Variants in ZCCHC13 observed in about 807,000 individuals in gnomAD.
ZCCHC13 encodes the protein zinc finger CCHC-type containing 13, also known as zinc finger CCHC domain-containing protein 13.
For missense variants in ZCCHC13, 133 were observed against 135.9 expected (o/e 0.98, Z 0.11); for synonymous variants, 58 against 52.3 (o/e 1.11, Z -0.47).
chrX:74,304,316 G>T lies in ZCCHC13; in HGVS notation c.50G>T (p.Arg17Leu). 8.3e-7 allele frequency: 1 copy of T among 1,210,772 alleles called. No homozygotes were observed. Residue 17 changes from arginine to leucine, a missense_variant, in exon 1 of 1, where the codon CGG becomes CTG. By Grantham distance (102) the Arg-to-Leu change is moderately radical (BLOSUM62 -2). Coordinates refer to ENST00000339534, the MANE Select transcript of ZCCHC13 (RefSeq NM_203303.3). ...TGTGGACACTCTGGCCATTGGGCTC[G>T]GGGATGCCCTAGAGGAGGAGCTGGA... The part of the protein sequence containing the change: ...FACGHSGHWA[R>L]GCPRGGAGGR...
Position 74,304,955 on chromosome X carries a change from G to A in ZCCHC13, c.*188G>A. 2 of 409,896 alleles carry A rather than the reference G, an allele frequency of 4.9e-6. No homozygotes were observed. Among genetic ancestry groups the A allele is most frequent in the Non-Finnish European group, 8.8e-6 (2 of 228,441 alleles). The allele number at this position is 409,896 out of a possible 1,213,427, so 33.8% of individuals were successfully genotyped here. A position where few individuals can be genotyped will look rare whatever the true frequency, so the allele number is the denominator to read the frequency against. On this transcript the variant is annotated 3_prime_UTR_variant, in exon 1 of 1. Transcript: ENST00000339534. ...AAAACCTCAAAAAAGTTAATCATTG[G>A]TAGATGCCCCACAATTAACGTGTTG...
chrX:74,304,505 G>GT lies in ZCCHC13; in HGVS notation c.240dup (p.Lys81Ter), dbSNP rs1926493104. The GT allele has an allele frequency of 8.2e-7, 1 of 1,212,348 alleles. No individual in the cohort carries two copies. ...AGAAGCGGCCACATCGCCAAAGACT[G>GT]TAAGGATCCTAAACGAGAGAGACGC... On this transcript the variant is annotated frameshift_variant, in exon 1 of 1. Coordinates refer to ENST00000339534, the MANE Select transcript of ZCCHC13 (RefSeq NM_203303.3). LOFTEE classifies it low-confidence loss of function (END_TRUNC).
At position 74,304,581 on chromosome X, in the gene ZCCHC13, T is replaced by C; in HGVS notation, c.315T>C (p.Asp105=). ...TAGGACATCTGGCTCGTGACTGTGA[T>C]CGTCAGAAAGAGCAGAAATGCTACT... is the stretch of plus-strand genomic sequence containing the variant. ...GRLGHLARDC[D]RQKEQKCYSC... Residue 105 remains aspartate, a synonymous_variant, in exon 1 of 1, where the codon GAT becomes GAC. Transcript: ENST00000339534. The C allele has an allele frequency of 2.5e-6, 3 of 1,212,127 alleles. No individual in the cohort carries two copies. Among genetic ancestry groups the C allele is most frequent in the Non-Finnish European group, 3.3e-6 (3 of 895,590 alleles).
At position 74,304,692 on chromosome X, in the gene ZCCHC13, T is replaced by C. The variant is rs1447059883; in HGVS notation, c.426T>C (p.Asn142=). The change falls in exon 1 of 1, where the codon AAT becomes AAC. Residue 142 remains asparagine, a synonymous_variant. Coordinates refer to ENST00000339534, the MANE Select transcript of ZCCHC13 (RefSeq NM_203303.3). The part of the protein sequence containing the change: ...RCGEIGHVAI[N]CSKARPGQLL... ...GCGAGATTGGCCACGTGGCCATCAA[T>C]TGCAGCAAGGCGAGGCCAGGTCAAC... 1.7e-6 allele frequency: 2 copies of C among 1,211,497 alleles called. No individual in the cohort carries two copies. Among genetic ancestry groups the C allele is most frequent in the Non-Finnish European group, 2.2e-6 (2 of 895,416 alleles).
At position 74,304,228 on chromosome X, in the gene ZCCHC13, C is replaced by A; in HGVS notation, c.-39C>A. On this transcript the variant is annotated 5_prime_UTR_variant, in exon 1 of 1. Coordinates refer to ENST00000339534, the MANE Select transcript of ZCCHC13 (RefSeq NM_203303.3). Reference sequence around the variant, plus strand: ...CGGGGTTGCGCCGGGGCCTCCGGGGCCGAGGTGGGCCTGCTCATTGGAAGA... The same window carrying A: ...CGGGGTTGCGCCGGGGCCTCCGGGGACGAGGTGGGCCTGCTCATTGGAAGA... The A allele has an allele frequency of 8.7e-7, 1 of 1,147,349 alleles. No homozygotes were observed. Among genetic ancestry groups the A allele is most frequent in the Non-Finnish European group, 1.2e-6 (1 of 862,061 alleles). The allele number at this position is 1,147,349 out of a possible 1,213,427, so 94.6% of individuals were successfully genotyped here.
Position 74,304,217 on chromosome X carries a change from G to A in ZCCHC13, c.-50G>A. 8.8e-7 allele frequency: 1 copy of A among 1,134,341 alleles called. No individual in the cohort carries two copies. The highest frequency in any genetic ancestry group is 1.2e-6 in the Non-Finnish European group (1 of 856,504). The allele number at this position is 1,134,341 out of a possible 1,213,427, so 93.5% of individuals were successfully genotyped here. Reference sequence around the variant, plus strand: ...GCCGCCCAAAGCGGGGTTGCGCCGGGGCCTCCGGGGCCGAGGTGGGCCTGC... The same window carrying A: ...GCCGCCCAAAGCGGGGTTGCGCCGGAGCCTCCGGGGCCGAGGTGGGCCTGC... On this transcript the variant is annotated 5_prime_UTR_variant, in exon 1 of 1. Coordinates refer to ENST00000339534, the MANE Select transcript of ZCCHC13 (RefSeq NM_203303.3).
chrX:74,304,464 C>T lies in ZCCHC13; in HGVS notation c.198C>T (p.Ile66=). Residue 66 remains isoleucine, a synonymous_variant, in exon 1 of 1, where the codon ATC becomes ATT. Coordinates refer to ENST00000339534, the MANE Select transcript of ZCCHC13 (RefSeq NM_203303.3). ...NAKNCVLLGN[I]CYNCGRSGHI... ...AGAACTGTGTCCTTCTCGGAAACAT[C>T]TGCTACAACTGTGGGAGAAGCGGCC... The T allele has an allele frequency of 1.6e-6, 2 of 1,212,193 alleles. No individual in the cohort carries two copies. Among genetic ancestry groups the T allele is most frequent in the Non-Finnish European group, 2.2e-6 (2 of 895,651 alleles).
At position 74,304,678 on chromosome X, in the gene ZCCHC13, C is replaced by T; in HGVS notation, c.412C>T (p.His138Tyr). The T allele has an allele frequency of 8.3e-7, 1 of 1,211,750 alleles. No homozygotes were observed. Among genetic ancestry groups the T allele is most frequent in the Non-Finnish European group, 1.1e-6 (1 of 895,520 alleles). The change falls in exon 1 of 1, where the codon CAC becomes TAC. Residue 138 changes from histidine to tyrosine, a missense_variant. His to Tyr is a moderately conservative substitution (Grantham distance 83, BLOSUM62 2). Coordinates refer to ENST00000339534, the MANE Select transcript of ZCCHC13 (RefSeq NM_203303.3). ...GTGTTACCGATGCGGCGAGATTGGC[C>T]ACGTGGCCATCAATTGCAGCAAGGC... Reference protein sequence around the residue: ...VKCYRCGEIGHVAINCSKARP... With the variant: ...VKCYRCGEIGYVAINCSKARP...
chrX:74,304,890 G>C lies in ZCCHC13; in HGVS notation c.*123G>C, dbSNP rs1926506983. 1 of 528,763 alleles carries C rather than the reference G, an allele frequency of 1.9e-6. No individual in the cohort carries two copies. The highest frequency in any genetic ancestry group is 2.5e-5 in the African/African-American group (1 of 40,063). The allele number at this position is 528,763 out of a possible 1,213,427, so 43.6% of individuals were successfully genotyped here. ...ATTGAGGCTACTCTCAGGCAAGTGA[G>C]CTTTAATTACCATGTTAAAGGAGGA... On this transcript the variant is annotated 3_prime_UTR_variant, in exon 1 of 1. Transcript: ENST00000339534.
chrX:74,304,768 G>A lies in ZCCHC13; in HGVS notation c.*1G>A, dbSNP rs747906523. On this transcript the variant is annotated 3_prime_UTR_variant, in exon 1 of 1. Transcript: ENST00000339534. ...ATCTAGCCAAGGAATGTCCCAGTGAGGTTACCACTTAAATCTTCCCCCCCA... is the reference window on the plus strand; with the variant it reads ...ATCTAGCCAAGGAATGTCCCAGTGAAGTTACCACTTAAATCTTCCCCCCCA... 4 of 1,203,143 alleles carry A rather than the reference G, an allele frequency of 3.3e-6. No individual in the cohort carries two copies. The highest frequency in any genetic ancestry group is 4.4e-5 in the Admixed American group (2 of 45,714).
Position 74,304,549 on chromosome X carries a change from G to A in ZCCHC13, c.283G>A (p.Gly95Ser), listed in dbSNP as rs112142144. The A allele has an allele frequency of 8.3e-7, 1 of 1,210,771 alleles. No individual in the cohort carries two copies. The highest frequency in any genetic ancestry group is 1.1e-6 in the Non-Finnish European group (1 of 895,418). Residue 95 changes from glycine to serine, a missense_variant, in exon 1 of 1, where the codon GGC (glycine) becomes AGC (serine). By Grantham distance (56) the Gly-to-Ser change is moderately conservative (BLOSUM62 0). Coordinates refer to ENST00000339534, the MANE Select transcript of ZCCHC13 (RefSeq NM_203303.3). ...GAGACGCCAACACTGTTATACCTGCGGCAGACTAGGACATCTGGCTCGTGA... is the reference window on the plus strand; with the variant it reads ...GAGACGCCAACACTGTTATACCTGCAGCAGACTAGGACATCTGGCTCGTGA... ...RERRQHCYTC[G>S]RLGHLARDCD...
Position 74,304,182 on chromosome X carries a change from T to G in ZCCHC13, c.-85T>G. The G allele has an allele frequency of 9.1e-7, 1 of 1,096,742 alleles. No individual in the cohort carries two copies. The allele number at this position is 1,096,742 out of a possible 1,213,427, so 90.4% of individuals were successfully genotyped here. A position where few individuals can be genotyped will look rare whatever the true frequency, so the allele number is the denominator to read the frequency against. ...GAGACACCTAGCGGAAAACAGCTAA[T>G]TCTTTCTAAGCCGCCCAAAGCGGGG... On this transcript the variant is annotated 5_prime_UTR_variant, in exon 1 of 1. Transcript: ENST00000339534.
chrX:74,304,495 G>A lies in ZCCHC13; in HGVS notation c.229G>A (p.Ala77Thr). 1 of 1,212,098 alleles carries A rather than the reference G, an allele frequency of 8.3e-7. No homozygotes were observed. Among genetic ancestry groups the A allele is most frequent in the South Asian group, 1.8e-5 (1 of 57,002 alleles). The change falls in exon 1 of 1, where the codon GCC (alanine) becomes ACC (threonine). Residue 77 changes from alanine to threonine, a missense_variant. By Grantham distance (58) the Ala-to-Thr change is moderately conservative. Coordinates refer to ENST00000339534, the MANE Select transcript of ZCCHC13 (RefSeq NM_203303.3). Reference sequence around the variant, plus strand: ...CAACTGTGGGAGAAGCGGCCACATCGCCAAAGACTGTAAGGATCCTAAACG... The same window carrying A: ...CAACTGTGGGAGAAGCGGCCACATCACCAAAGACTGTAAGGATCCTAAACG... ...CYNCGRSGHI[A>T]KDCKDPKRER...
In ZCCHC13 at chrX:74,304,298, ACTCTGGC is replaced by A. The variant is rs1926487613; in HGVS notation, c.34_40del (p.Ser12IlefsTer84). 2 of 1,207,188 alleles carry A rather than the reference ACTCTGGC, an allele frequency of 1.7e-6. No individual in the cohort carries two copies. Among genetic ancestry groups the A allele is most frequent in the Non-Finnish European group, 2.2e-6 (2 of 893,449 alleles). Reference sequence around the variant, plus strand: ...AGTAAGGATTTCTTCGCGTGTGGACACTCTGGCCATTGGGCTCGGGGATGCCCTAGAG... The same window carrying A: ...AGTAAGGATTTCTTCGCGTGTGGACACATTGGGCTCGGGGATGCCCTAGAG... On this transcript the variant is annotated frameshift_variant, in exon 1 of 1. Coordinates refer to ENST00000339534, the MANE Select transcript of ZCCHC13 (RefSeq NM_203303.3). LOFTEE classifies it low-confidence loss of function (END_TRUNC).
chrX:74,304,484 G>A lies in ZCCHC13; in HGVS notation c.218G>A (p.Ser73Asn). 1 of 1,212,306 alleles carries A rather than the reference G, an allele frequency of 8.2e-7. No individual in the cohort carries two copies. Among genetic ancestry groups the A allele is most frequent in the Non-Finnish European group, 1.1e-6 (1 of 895,666 alleles). ...LGNICYNCGRSGHIAKDCKDP... is the reference protein window; with the variant it reads ...LGNICYNCGRNGHIAKDCKDP... ...AACATCTGCTACAACTGTGGGAGAA[G>A]CGGCCACATCGCCAAAGACTGTAAG... is the stretch of plus-strand genomic sequence containing the variant. Residue 73 changes from serine to asparagine, a missense_variant, in exon 1 of 1, where the codon AGC becomes AAC. Coordinates refer to ENST00000339534, the MANE Select transcript of ZCCHC13 (RefSeq NM_203303.3).
Position 74,304,861 on chromosome X carries a change from A to G in ZCCHC13, c.*94A>G, listed in dbSNP as rs1167807067. On this transcript the variant is annotated 3_prime_UTR_variant, in exon 1 of 1. Coordinates refer to ENST00000339534, the MANE Select transcript of ZCCHC13 (RefSeq NM_203303.3). Reference sequence around the variant, plus strand: ...GAAAACTTCACTCACCGAAAGGTCGATAGATTGAGGCTACTCTCAGGCAAG... The same window carrying G: ...GAAAACTTCACTCACCGAAAGGTCGGTAGATTGAGGCTACTCTCAGGCAAG... The G allele has an allele frequency of 2.8e-6, 2 of 713,574 alleles. No individual in the cohort carries two copies. Among genetic ancestry groups the G allele is most frequent in the Non-Finnish European group, 4.2e-6 (2 of 481,523 alleles). The allele number at this position is 713,574 out of a possible 1,213,427, so 58.8% of individuals were successfully genotyped here. A position where few individuals can be genotyped will look rare whatever the true frequency, so the allele number is the denominator to read the frequency against.
chrX:74,304,608 T>C lies in ZCCHC13; in HGVS notation c.342T>C (p.Ser114=), dbSNP rs779542903. The change falls in exon 1 of 1, where the codon TCT becomes TCC. Residue 114 remains serine (S), a synonymous_variant. Transcript: ENST00000339534. ...GTCAGAAAGAGCAGAAATGCTACTCTTGCGGCAAACTTGGGCACATTCAGA... is the reference window on the plus strand; with the variant it reads ...GTCAGAAAGAGCAGAAATGCTACTCCTGCGGCAAACTTGGGCACATTCAGA... ...CDRQKEQKCY[S]CGKLGHIQKD... is the part of the protein sequence containing the mutation. 1 of 1,210,504 alleles carries C rather than the reference T, an allele frequency of 8.3e-7. No homozygotes were observed. The highest frequency in any genetic ancestry group is 3.0e-5 in the East Asian group (1 of 33,775).
At position 74,304,260 on chromosome X, in the gene ZCCHC13, C is replaced by T. The variant is rs752678147; in HGVS notation, c.-7C>T. 2 of 1,185,986 alleles carry T rather than the reference C, an allele frequency of 1.7e-6. No homozygotes were observed. The highest frequency in any genetic ancestry group is 1.9e-5 in the South Asian group (1 of 53,463). On this transcript the variant is annotated 5_prime_UTR_variant, in exon 1 of 1. Transcript: ENST00000339534. ...GGGCCTGCTCATTGGAAGATCGCAT[C>T]GCAGCCATGAGCAGTAAGGATTTCT...
Position 74,304,223 on chromosome X carries a change from C to A in ZCCHC13, c.-44C>A. ...CAAAGCGGGGTTGCGCCGGGGCCTCCGGGGCCGAGGTGGGCCTGCTCATTG... is the reference window on the plus strand; with the variant it reads ...CAAAGCGGGGTTGCGCCGGGGCCTCAGGGGCCGAGGTGGGCCTGCTCATTG... On this transcript the variant is annotated 5_prime_UTR_variant, in exon 1 of 1. Coordinates refer to ENST00000339534, the MANE Select transcript of ZCCHC13 (RefSeq NM_203303.3). 3 of 1,141,916 alleles carry A rather than the reference C, an allele frequency of 2.6e-6. No individual in the cohort carries two copies. The highest frequency in any genetic ancestry group is 3.5e-6 in the Non-Finnish European group (3 of 859,676). The allele number at this position is 1,141,916 out of a possible 1,213,427, so 94.1% of individuals were successfully genotyped here.
Sources: allele counts gnomAD v4.1 joint callset, GRCh38; gene constraint gnomAD v4.1.1; transcripts MANE v1.5; gene names NCBI Gene and HGNC (gene_info 2026-07-23, HGNC 2026-07-21).